CSMD1: variants seen among roughly 807,000 people sequenced by gnomAD.
The protein encoded by CSMD1 is CUB and sushi domain-containing protein 1.
CSMD1 carries 213 observed loss-of-function variants against 417.5 expected under a neutral mutation model. The ratio of observed to expected loss-of-function variants is 0.51; its 90% CI spans 0.46 to 0.57. The LOEUF (loss-of-function observed/expected upper bound fraction) is 0.57, where lower values mean the gene tolerates loss of function less well. CSMD1 is among the 20% of genes least tolerant of loss of function. CSMD1 has a pLI of 0.00. For synonymous variants in CSMD1, 2,862 were observed against 1,736.8 expected, an observed-to-expected ratio of 1.65 and a Z score of -16.11; for missense variants, 6,923 against 4,529.7, an observed-to-expected ratio of 1.53 and a Z score of -15.17.
chr8:4,005,008 G>C (rs1306431960), intron 4 of CSMD1, among the ~76,000 whole-genome samples: 1 of 152,070 alleles, frequency 6.6e-6, no homozygotes, highest in Non-Finnish European at 1.5e-5. Context: ...CCTCCCTAGT[G>C]ACTCTTATTC....
chr8:4,516,438 C>T (rs1279228213), intron 2 of CSMD1, among the ~76,000 whole-genome samples: 1 of 152,166 alleles, frequency 6.6e-6, no homozygotes, highest in Non-Finnish European at 1.5e-5. Flanking sequence ...GGCCTCTGCC[C>T]CAGAGACGCC....
rs201198366 is a variant in CSMD1, at chr8:4,615,853, T to A, written c.302+21489A>T. On this transcript the variant is annotated intron_variant, in intron 2 of 69. Transcript: ENST00000635120. Reference sequence around the variant, plus strand: ...AACCTTCCTTTTTCTGATATATTATTCTTTCAAAAGCATTCTTTTTTCACT... The same window carrying A: ...AACCTTCCTTTTTCTGATATATTATACTTTCAAAAGCATTCTTTTTTCACT... Among the ~76,000 whole-genome samples, 31 of 152,326 alleles carry A rather than the reference T, an allele frequency of 2.0e-4. No homozygotes were observed. The East Asian group carries it at 5.0e-3, about 25-fold the overall frequency.
At chr8:3,505,896 T>G (rs1173132150) in intron 10 of CSMD1, among the ~76,000 whole-genome samples, 1 of 152,212 alleles carries the variant, frequency 6.6e-6, no homozygotes, top group Non-Finnish European at 1.5e-5. Context: ...TAAAAAACAG[T>G]TACTTAAGGA....
intron 3 of CSMD1, among the ~76,000 whole-genome samples, chr8:4,103,903 C>T (rs1037302884): frequency 6.6e-6 from 1 of 152,172 alleles, no homozygotes; most frequent in East Asian, 1.9e-4. Flanking sequence ...CTCCAGGTTC[C>T]CAAGGCCAAA....
chr8:4,283,067 G>C (rs1178708394), intron 3 of CSMD1, among the ~76,000 whole-genome samples: 1 of 152,072 alleles, frequency 6.6e-6, no homozygotes, highest in African/African-American at 2.4e-5. Context: ...GAAACAGACT[G>C]TTTTTAAGGT....
At chr8:4,715,617 T>C (rs1221259840) in intron 1 of CSMD1, among the ~76,000 whole-genome samples, 2 of 152,164 alleles carry the variant, frequency 1.3e-5, no homozygotes, top group South Asian at 2.1e-4. Flanking sequence ...TGAACAAAAA[T>C]GATCTCCTGA....
intron 2 of CSMD1, among the ~76,000 whole-genome samples, chr8:4,486,370 T>C (rs546200494): frequency 4.6e-5 from 7 of 150,578 alleles, no homozygotes; most frequent in African/African-American, 1.7e-4. Flanking sequence ...ATCTTAAACA[T>C]GTATATCTCC....
chr8:3,219,982 C>A (rs1798107465), intron 28 of CSMD1, among the ~76,000 whole-genome samples: 1 of 151,822 alleles, frequency 6.6e-6, no homozygotes, highest in African/African-American at 2.4e-5. Flanking sequence ...CCTGTCTGTA[C>A]AAAAATACAA....
intron 2 of CSMD1, among the ~76,000 whole-genome samples, chr8:4,626,567 G>C (rs980281978): frequency 6.6e-6 from 1 of 152,082 alleles, no homozygotes; most frequent in Non-Finnish European, 1.5e-5. Flanking sequence ...ACAAGAGCTA[G>C]ACTCAGGGCA....
At chr8:4,163,385 G>C (rs745701357) in intron 3 of CSMD1, among the ~76,000 whole-genome samples, 11 of 152,104 alleles carry the variant, frequency 7.2e-5, no homozygotes, top group African/African-American at 1.4e-4. Flanking sequence ...CCATATCCAA[G>C]ACAGCAATCT....
At chr8:3,320,097 A>G (rs748689825) in intron 23 of CSMD1, among the ~76,000 whole-genome samples, 3 of 152,174 alleles carry the variant, frequency 2.0e-5, no homozygotes, top group Non-Finnish European at 4.4e-5. Context: ...CACACAGAAG[A>G]CATGCTCTGT....
intron 1 of CSMD1, among the ~76,000 whole-genome samples, chr8:4,913,554 C>T (rs539886195): frequency 3.3e-5 from 5 of 152,278 alleles, no homozygotes; most frequent in African/African-American, 9.6e-5. Flanking sequence ...TACAGGGGAA[C>T]GCCACCAACA....
intron 25 of CSMD1, among the ~76,000 whole-genome samples, chr8:3,290,142 T>C (rs576055342): frequency 2.1e-5 from 3 of 146,144 alleles, no homozygotes; most frequent in South Asian, 2.1e-4. Context: ...GTTGTAGATA[T>C]GCAGCATTAT....
chr8:4,260,481 G>A (rs1236048296), intron 3 of CSMD1, among the ~76,000 whole-genome samples: 1 of 152,106 alleles, frequency 6.6e-6, no homozygotes, highest in East Asian at 1.9e-4. Flanking sequence ...TTGTTCACCT[G>A]AAGTAAATAC....
chr8:3,083,502 C>CT (rs1814257167), intron 49 of CSMD1, among the ~76,000 whole-genome samples: 1 of 147,254 alleles, frequency 6.8e-6, no homozygotes, highest in South Asian at 2.1e-4. Flanking sequence ...TCAAAGGGTC[C>CT]TATTTGCACA....
intron 5 of CSMD1, among the ~76,000 whole-genome samples, chr8:3,858,188 C>G (rs1421451946): frequency 6.6e-6 from 1 of 152,122 alleles, no homozygotes; most frequent in African/African-American, 2.4e-5. Flanking sequence ...TTTTTTGACT[C>G]TCTATTTCCA....
intron 3 of CSMD1, among the ~76,000 whole-genome samples, chr8:4,058,802 G>C (rs1798826303): frequency 6.6e-6 from 1 of 150,410 alleles, no homozygotes. Flanking sequence ...CAAGTCCTGA[G>C]TGACCTACAA....
intron 3 of CSMD1, among the ~76,000 whole-genome samples, chr8:4,238,987 C>T (rs1802230645): frequency 2.6e-5 from 4 of 152,194 alleles, no homozygotes; most frequent in Admixed American, 2.6e-4. Flanking sequence ...CATTTTCCTG[C>T]TTCCCATCAC....
Position 3,284,231 on chromosome 8 carries a change from C to T in CSMD1, c.4066G>A (p.Asp1356Asn). The T allele has an allele frequency of 6.2e-7, 1 of 1,613,116 alleles. No individual in the cohort carries two copies. The highest frequency in any genetic ancestry group is 2.2e-5 in the East Asian group (1 of 44,820). The change falls in exon 26 of 70, where the codon GAC (aspartate) becomes AAC (asparagine). Residue 1356 changes from aspartate (D) to asparagine (N), a missense_variant. Coordinates refer to ENST00000635120, the MANE Select transcript of CSMD1 (RefSeq NM_033225.6). Reference sequence around the variant, plus strand: ...AGTGAGTTGAAGGTGCTGTGGATGTCCTCCGGAAGGGCGGAGCCACTCCAC... The same window carrying T: ...AGTGAGTTGAAGGTGCTGTGGATGTTCTCCGGAAGGGCGGAGCCACTCCAC... The part of the protein sequence containing the change: ...KEWSGSALPE[D>N]IHSTFNSLTL...
Sources: allele counts gnomAD v4.1 joint callset (sites outside exome capture counted in the v4.1 genomes callset), GRCh38; gene constraint gnomAD v4.1.1; transcripts MANE v1.5; gene names NCBI Gene and HGNC (gene_info 2026-07-23, HGNC 2026-07-21).